Variants in HDAC9 observed in about 807,000 individuals in gnomAD.
The protein encoded by HDAC9 is histone deacetylase 9.
HDAC9 carries 41 observed loss-of-function variants against 139.4 expected under a neutral mutation model. The observed-to-expected ratio is 0.29, with a 90% confidence interval of 0.23 to 0.38. The LOEUF (loss-of-function observed/expected upper bound fraction) is 0.38. Among genes scored for constraint, HDAC9 ranks in the 10% least tolerant of loss-of-function variants. HDAC9 has a pLI of 1.00. For synonymous variants in HDAC9, 517 were observed against 476.2 expected, an observed-to-expected ratio of 1.09 and a Z score of -1.12; for missense variants, 1,147 against 1,297.0, an observed-to-expected ratio of 0.88 and a Z score of 1.78.
chr7:18,621,132 A>G (rs552031058), intron 6 of HDAC9, among the ~76,000 whole-genome samples: 1 of 152,074 alleles, frequency 6.6e-6, no homozygotes, highest in South Asian at 2.1e-4. Context: ...TTGGGGAAAA[A>G]CATAATAGAT....
intron 17 of HDAC9, chr7:18,808,034 T>C (rs1178694165): frequency 6.6e-6 from 1 of 152,254 alleles, no homozygotes; most frequent in Non-Finnish European, 1.5e-5. Context: ...AGGATAATCT[T>C]GCTACTTCTT....
intron 1 of HDAC9, among the ~76,000 whole-genome samples, chr7:18,384,637 A>G (rs902534209): frequency 1.3e-5 from 2 of 152,146 alleles, no homozygotes; most frequent in Non-Finnish European, 2.9e-5. Flanking sequence ...GAGCAAGTAA[A>G]TACTCCAAAA....
intron 12 of HDAC9, among the ~76,000 whole-genome samples, chr7:18,688,374 A>G (rs755893328): frequency 1.1e-4 from 17 of 151,840 alleles, no homozygotes; most frequent in Admixed American, 1.3e-4. Flanking sequence ...TAGTATATTT[A>G]TATACAAATT....
intron 2 of HDAC9, among the ~76,000 whole-genome samples, chr7:18,504,210 A>G (rs1799140919): frequency 6.6e-6 from 1 of 152,180 alleles, no homozygotes; most frequent in Non-Finnish European, 1.5e-5. Flanking sequence ...GGAACTATCC[A>G]TTTTAAGTTA....
chr7:18,787,645 A>G (rs1200134580), intron 16 of HDAC9, among the ~76,000 whole-genome samples: 17 of 152,202 alleles, frequency 1.1e-4, no homozygotes. Context: ...TCCATACTGT[A>G]AAATACAGTT....
intron 7 of HDAC9, among the ~76,000 whole-genome samples, chr7:18,632,203 A>C (rs1172287491): frequency 6.6e-6 from 1 of 151,860 alleles, no homozygotes; most frequent in Non-Finnish European, 1.5e-5. Flanking sequence ...AGAGGTGATG[A>C]TTAAAAAAAA....
At chr7:18,899,419 A>C (rs954792503) in intron 22 of HDAC9, 21 of 151,978 alleles carry the variant, frequency 1.4e-4, no homozygotes, top group African/African-American at 4.8e-4. Context: ...TTGATGAAGA[A>C]TCTGACAACC....
chr7:18,652,558 T>A (rs1337795944), intron 11 of HDAC9, among the ~76,000 whole-genome samples: 1 of 151,802 alleles, frequency 6.6e-6, no homozygotes, highest in Non-Finnish European at 1.5e-5. Flanking sequence ...TCAAAATCTC[T>A]TTAGGCATTT....
intron 1 of HDAC9, among the ~76,000 whole-genome samples, chr7:18,092,148 G>C (rs919463422): frequency 2.6e-5 from 4 of 152,158 alleles, no homozygotes; most frequent in African/African-American, 9.7e-5. Context: ...CACTTTGGCA[G>C]GCCAAGGCAG....
At chr7:18,249,878 T>C (rs1455439331) in intron 2 of HDAC9, among the ~76,000 whole-genome samples, 1 of 152,138 alleles carries the variant, frequency 6.6e-6, no homozygotes, top group African/African-American at 2.4e-5. Flanking sequence ...AAAATAAGGG[T>C]TTAATTAATT....
At chr7:18,385,420 T>C (rs1228406632) in intron 1 of HDAC9, among the ~76,000 whole-genome samples, 1 of 152,192 alleles carries the variant, frequency 6.6e-6, no homozygotes, top group Non-Finnish European at 1.5e-5. Flanking sequence ...GTAGCCAGTT[T>C]TCAATTTTGG....
intron 13 of HDAC9, among the ~76,000 whole-genome samples, chr7:18,746,601 T>C (rs976701128): frequency 1.8e-4 from 28 of 152,154 alleles, no homozygotes; most frequent in Admixed American, 6.5e-5. Flanking sequence ...AGACTACCCT[T>C]CAGGAATCCA....
At chr7:18,768,366 C>G (rs1184136054) in intron 16 of HDAC9, among the ~76,000 whole-genome samples, 1 of 152,156 alleles carries the variant, frequency 6.6e-6, no homozygotes, top group East Asian at 1.9e-4. Flanking sequence ...TCAGCTTCCC[C>G]CCACTCCCTC....
intron 1 of HDAC9, among the ~76,000 whole-genome samples, chr7:18,310,718 A>G (rs76176468): frequency 2.0e-5 from 3 of 152,158 alleles, no homozygotes; most frequent in African/African-American, 4.8e-5. Context: ...TGACATAGAC[A>G]TCATACAGCA....
At chr7:18,910,301 T>C (rs1802630492) in intron 22 of HDAC9, among the ~76,000 whole-genome samples, 1 of 152,018 alleles carries the variant, frequency 6.6e-6, no homozygotes, top group Non-Finnish European at 1.5e-5. Context: ...TTCTCATATA[T>C]TTTTGAAGCT....
intron 1 of HDAC9, among the ~76,000 whole-genome samples, chr7:18,145,689 A>AAT (rs1240339144): frequency 6.6e-6 from 1 of 152,214 alleles, no homozygotes; most frequent in Non-Finnish European, 1.5e-5. Context: ...ATTTTAACTT[A>AAT]ATATAAGGAA....
chr7:18,382,757 A>C (rs1785551353), intron 1 of HDAC9, among the ~76,000 whole-genome samples: 1 of 152,260 alleles, frequency 6.6e-6, no homozygotes, highest in Non-Finnish European at 1.5e-5. Flanking sequence ...TAAAAGTAAT[A>C]ATTTTAAAGT....
At chr7:18,620,078 G>A (rs946435915) in intron 6 of HDAC9, among the ~76,000 whole-genome samples, 5 of 152,078 alleles carry the variant, frequency 3.3e-5, no homozygotes, top group African/African-American at 1.2e-4. Context: ...CACTTAACAT[G>A]CACTTTTTCC....
chr7:18,414,032 G>A (rs1054713880), intron 1 of HDAC9, among the ~76,000 whole-genome samples: 4 of 152,110 alleles, frequency 2.6e-5, no homozygotes, highest in Non-Finnish European at 5.9e-5. Flanking sequence ...GAAATTAGAA[G>A]GCCAGAGGGA....
Sources: gnomAD v4.1 joint callset for allele counts (sites outside exome capture counted in the v4.1 genomes callset) on GRCh38, gnomAD v4.1.1 for gene constraint, MANE v1.5 for transcripts, NCBI Gene and HGNC (gene_info 2026-07-23, HGNC 2026-07-21) for gene names.